GRIK4: variants seen among roughly 807,000 people sequenced by gnomAD.
The protein encoded by GRIK4 is glutamate ionotropic receptor kainate type subunit 4, also known as glutamate receptor ionotropic, kainate 4.
A neutral mutation model predicts 104.9 loss-of-function variants in GRIK4; 40 were observed. The ratio of observed to expected loss-of-function variants is 0.38; its 90% CI spans 0.30 to 0.50. GRIK4 has a LOEUF of 0.50. Among genes scored for constraint, GRIK4 ranks in the 20% least tolerant of loss-of-function variants. GRIK4 has a pLI of 0.93. For synonymous variants in GRIK4, 485 were observed against 524.9 expected (o/e 0.92, Z 1.04); for missense variants, 1,047 against 1,308.1 (o/e 0.80, Z 3.08).
At chr11:120,569,193 A>G (rs932573518) in intron 1 of GRIK4, among the ~76,000 whole-genome samples, 4 of 152,244 alleles carry the variant, frequency 2.6e-5, no homozygotes, top group African/African-American at 9.6e-5. Context: ...AAGCTGGATA[A>G]TAGACCTACC....
chr11:120,756,294 A>G (rs1463375935), intron 3 of GRIK4, among the ~76,000 whole-genome samples: 1 of 152,170 alleles, frequency 6.6e-6, no homozygotes, highest in East Asian at 1.9e-4. Flanking sequence ...CTGGGACCCC[A>G]TGTCCTAGCC....
chr11:120,567,482 A>G (rs1317233397), intron 1 of GRIK4, among the ~76,000 whole-genome samples: 1 of 152,282 alleles, frequency 6.6e-6, no homozygotes, highest in East Asian at 1.9e-4. Context: ...GTGTTAAATA[A>G]TGGAATTAAG....
At chr11:120,715,321 G>A (rs118171037) in intron 3 of GRIK4, among the ~76,000 whole-genome samples, 1,692 of 152,302 alleles carry the variant, frequency 0.011, 22 homozygotes, top group Non-Finnish European at 0.017. Flanking sequence ...ATTAATTCAG[G>A]AAAAGGAAGC....
At chr11:120,797,116 C>T (rs1340446585) in intron 3 of GRIK4, among the ~76,000 whole-genome samples, 1 of 152,136 alleles carries the variant, frequency 6.6e-6, no homozygotes, top group Non-Finnish European at 1.5e-5. Context: ...CTTGAATCCA[C>T]CTGGGTTGGA....
intron 13 of GRIK4, among the ~76,000 whole-genome samples, chr11:120,932,211 G>T (rs1225966100): frequency 1.4e-5 from 2 of 140,748 alleles, no homozygotes; most frequent in African/African-American, 5.3e-5. Context: ...TCTATTGGTT[G>T]TAAATTTTTT....
intron 3 of GRIK4, among the ~76,000 whole-genome samples, chr11:120,779,310 T>C (rs1415625417): frequency 6.6e-6 from 1 of 151,896 alleles, no homozygotes; most frequent in Non-Finnish European, 1.5e-5. Context: ...CCAAGCAGAG[T>C]GAGCCGGTCA....
chr11:120,676,454 A>C (rs956722183), intron 3 of GRIK4, among the ~76,000 whole-genome samples: 14 of 152,250 alleles, frequency 9.2e-5, no homozygotes, highest in Admixed American at 1.3e-4. Flanking sequence ...CAGGCTGGGA[A>C]GCTCCAGGGC....
At chr11:120,958,922 A>C (rs1015273653) in intron 16 of GRIK4, among the ~76,000 whole-genome samples, 1 of 152,112 alleles carries the variant, frequency 6.6e-6, no homozygotes, top group Admixed American at 6.5e-5. Context: ...ACCTTCCAAT[A>C]GGGCAGAAGA....
Position 120,820,456 on chromosome 11 carries a change from G to A in GRIK4, c.511+536G>A, listed in dbSNP as rs367721546. Among the ~76,000 whole-genome samples the A allele has an allele frequency of 8.5e-5, 13 of 152,308 alleles. No individual in the cohort carries two copies. In the South Asian group the frequency reaches 2.5e-3, roughly 29 times the overall value. On this transcript the variant is annotated intron_variant, in intron 6 of 20. Transcript: ENST00000527524. The stretch of plus-strand genomic sequence containing the variant: ...ATAAAGCATTTTTTAGCAAATGCAG[G>A]TTTTGGAAATGTGTTTTCTATGACT...
intron 4 of GRIK4, among the ~76,000 whole-genome samples, chr11:120,803,904 AAAAG>A (rs1952668169): frequency 6.6e-6 from 1 of 152,210 alleles, no homozygotes; most frequent in South Asian, 2.1e-4. Flanking sequence ...TCCACTTTAG[AAAAG>A]AAACTGAGGC....
At chr11:120,696,811 G>A (rs1292960684) in intron 3 of GRIK4, among the ~76,000 whole-genome samples, 2 of 152,092 alleles carry the variant, frequency 1.3e-5, no homozygotes, top group African/African-American at 4.8e-5. Context: ...GAGGGCCAGG[G>A]CTCTGCTCTT....
chr11:120,832,668 A>G (rs1286412818), intron 7 of GRIK4, among the ~76,000 whole-genome samples: 1 of 152,168 alleles, frequency 6.6e-6, no homozygotes, highest in Non-Finnish European at 1.5e-5. Context: ...CAAATCAGGT[A>G]GTGTCTCCTA....
At chr11:120,622,213 T>C (rs186996446) in intron 1 of GRIK4, among the ~76,000 whole-genome samples, 49 of 152,140 alleles carry the variant, frequency 3.2e-4, no homozygotes, top group Non-Finnish European at 6.5e-4. Context: ...ATTATTATTT[T>C]TAACTGTGAC....
intron 1 of GRIK4, among the ~76,000 whole-genome samples, chr11:120,553,333 G>A (rs768939907): frequency 2.6e-5 from 4 of 152,178 alleles, no homozygotes; most frequent in Non-Finnish European, 4.4e-5. Context: ...ACACCCAGAG[G>A]AAGGAAGAGT....
intron 13 of GRIK4, among the ~76,000 whole-genome samples, chr11:120,923,708 C>T (rs76026920): frequency 5.9e-5 from 9 of 152,258 alleles, no homozygotes; most frequent in East Asian, 3.9e-4. Context: ...CCACTGCGCC[C>T]GGCCCCATTC....
chr11:120,865,878 C>G (rs1954394530), intron 9 of GRIK4, among the ~76,000 whole-genome samples: 1 of 151,972 alleles, frequency 6.6e-6, no homozygotes, highest in Non-Finnish European at 1.5e-5. Flanking sequence ...GTGCCGGTAT[C>G]TGTTTCTGAT....
At chr11:120,636,974 GTGATAAGCTGGTGCAAA>G (rs1476887052) in intron 1 of GRIK4, among the ~76,000 whole-genome samples, 1 of 152,240 alleles carries the variant, frequency 6.6e-6, no homozygotes, top group Non-Finnish European at 1.5e-5. Context: ...GTGCCCCCCA[GTGATAAGCTGGTGCAAA>G]ACCAGCTTCT....
intron 1 of GRIK4, among the ~76,000 whole-genome samples, chr11:120,521,345 T>C (rs1239405406): frequency 2.0e-5 from 3 of 152,142 alleles, no homozygotes; most frequent in African/African-American, 7.2e-5. Flanking sequence ...GTGCTGGGAT[T>C]ACAGGTGTGC....
chr11:120,693,347 C>T (rs988125843), intron 3 of GRIK4, among the ~76,000 whole-genome samples: 13 of 152,250 alleles, frequency 8.5e-5, no homozygotes, highest in African/African-American at 2.9e-4. Flanking sequence ...TCAAGTGATT[C>T]GCCTGGCGTG....
Sources: gnomAD v4.1 joint callset for allele counts (sites outside exome capture counted in the v4.1 genomes callset) on GRCh38, gnomAD v4.1.1 for gene constraint, MANE v1.5 for transcripts, NCBI Gene and HGNC (gene_info 2026-07-23, HGNC 2026-07-21) for gene names.